Variants in AFF3 observed in about 807,000 individuals in gnomAD.
AFF3 encodes AF4/FMR2 family member 3.
A neutral mutation model predicts 129.7 loss-of-function variants in AFF3; 32 were observed. The ratio of observed to expected loss-of-function variants is 0.25; its 90% confidence interval spans 0.19 to 0.33. The LOEUF (loss-of-function observed/expected upper bound fraction) is 0.33. Among genes scored for constraint, AFF3 ranks in the 10% least tolerant of loss-of-function variants. The pLI is 1.00. For missense variants in AFF3, 1,373 were observed against 1,592.0 expected (o/e 0.86, Z 2.34); for synonymous variants, 644 against 635.4 (o/e 1.01, Z -0.20).
At chr2:99,987,607 C>T (rs1679985129) in intron 7 of AFF3, among the ~76,000 whole-genome samples, 1 of 152,144 alleles carries the variant, frequency 6.6e-6, no homozygotes, top group Non-Finnish European at 1.5e-5. Context: ...TCTGTAGCCA[C>T]AATTTGAAAA....
At chr2:99,802,833 T>C (rs747580803) in intron 8 of AFF3, among the ~76,000 whole-genome samples, 2 of 152,108 alleles carry the variant, frequency 1.3e-5, no homozygotes, top group Non-Finnish European at 2.9e-5. Context: ...ACTGAATTCA[T>C]TTATCAAATC....
intron 12 of AFF3, among the ~76,000 whole-genome samples, chr2:99,661,666 T>G (rs889428779): frequency 6.6e-6 from 1 of 152,240 alleles, no homozygotes; most frequent in Non-Finnish European, 1.5e-5. Flanking sequence ...TCAGTGATAT[T>G]TAAGTTGGCT....
intron 11 of AFF3, among the ~76,000 whole-genome samples, chr2:99,702,341 C>T (rs557652717): frequency 1.3e-5 from 2 of 151,814 alleles, no homozygotes; most frequent in Non-Finnish European, 2.9e-5. Context: ...TTTTAATATG[C>T]ATTTTCTTTT....
At chr2:99,709,503 A>T in intron 11 of AFF3, among the ~76,000 whole-genome samples, 1 of 152,206 alleles carries the variant, frequency 6.6e-6, no homozygotes, top group East Asian at 1.9e-4. Flanking sequence ...GAATGTCTCC[A>T]CTTTGATAAC....
intron 7 of AFF3, among the ~76,000 whole-genome samples, chr2:100,004,207 A>G (rs1681727600): frequency 6.6e-6 from 1 of 152,050 alleles, no homozygotes; most frequent in Non-Finnish European, 1.5e-5. Context: ...CTTGCAGGTT[A>G]TTTTCTTTGG....
intron 2 of AFF3, among the ~76,000 whole-genome samples, chr2:100,112,915 T>C (rs994571559): frequency 1.3e-5 from 2 of 152,224 alleles, no homozygotes; most frequent in Admixed American, 6.5e-5. Context: ...TATAATTCCA[T>C]ATACTTGGCA....
At chr2:99,807,794 A>G (rs1009442242) in intron 8 of AFF3, among the ~76,000 whole-genome samples, 1 of 152,096 alleles carries the variant, frequency 6.6e-6, no homozygotes, top group African/African-American at 2.4e-5. Context: ...AATTAGTCAA[A>G]CAAGCCAATC....
At chr2:99,836,735 T>C (rs188168084) in intron 8 of AFF3, among the ~76,000 whole-genome samples, 1 of 152,146 alleles carries the variant, frequency 6.6e-6, no homozygotes, top group Non-Finnish European at 1.5e-5. Context: ...GTAAAATTCA[T>C]ACCATCTGGC....
intron 11 of AFF3, among the ~76,000 whole-genome samples, chr2:99,693,002 A>G (rs1039770362): frequency 2.0e-5 from 3 of 152,212 alleles, no homozygotes; most frequent in African/African-American, 4.8e-5. Context: ...CGCCCTCTGC[A>G]GGGCAAACTG....
At chr2:99,859,493 C>T (rs955528471) in intron 7 of AFF3, among the ~76,000 whole-genome samples, 1 of 152,114 alleles carries the variant, frequency 6.6e-6, no homozygotes, top group Admixed American at 6.6e-5. Flanking sequence ...ACCAGGTTTG[C>T]GAAACCCTGA....
At position 99,545,647 on chromosome 2, in the gene AFF3, A is replaced by G. The variant is rs1575311056; in HGVS notation, c.*5827T>C. ...ATGCTGACCCTTGTACTGACTGGCAATTAGTGCCCTGAATTCAACCCTCAG... is the reference window on the plus strand; with the variant it reads ...ATGCTGACCCTTGTACTGACTGGCAGTTAGTGCCCTGAATTCAACCCTCAG... On this transcript the variant is annotated 3_prime_UTR_variant, in exon 25 of 25. Coordinates refer to ENST00000672756, the MANE Select transcript of AFF3 (RefSeq NM_001386135.1). 1 of 157,722 alleles carries G rather than the reference A, an allele frequency of 6.3e-6. No individual in the cohort carries two copies. Among genetic ancestry groups the G allele is most frequent in the African/African-American group, 2.4e-5 (1 of 41,598 alleles). The allele number at this position is 157,722 out of a possible 1,614,324, so 9.8% of individuals were successfully genotyped here. A position where few individuals can be genotyped will look rare whatever the true frequency, so the allele number is the denominator to read the frequency against.
chr2:99,625,708 T>A (rs1168236465), intron 13 of AFF3, among the ~76,000 whole-genome samples: 2 of 152,198 alleles, frequency 1.3e-5, no homozygotes, highest in African/African-American at 2.4e-5. Context: ...CCAAAGCTAT[T>A]TAAAAAGCAA....
At chr2:100,057,388 G>A (rs1686891951) in intron 4 of AFF3, among the ~76,000 whole-genome samples, 1 of 148,696 alleles carries the variant, frequency 6.7e-6, no homozygotes, top group Non-Finnish European at 1.5e-5. Context: ...CCACTTACTA[G>A]TTCTATGACC....
At chr2:100,036,594 T>G (rs1422198463) in intron 4 of AFF3, among the ~76,000 whole-genome samples, 1 of 149,416 alleles carries the variant, frequency 6.7e-6, no homozygotes, top group Admixed American at 6.7e-5. Flanking sequence ...GTAAAAAAAA[T>G]GGACATATTT....
chr2:100,088,720 C>A (rs1689639533), intron 4 of AFF3, among the ~76,000 whole-genome samples: 1 of 151,080 alleles, frequency 6.6e-6, no homozygotes. Flanking sequence ...TAATGGGTTT[C>A]CTCAAAGTAC....
chr2:99,801,812 A>G (rs562662722), intron 8 of AFF3, among the ~76,000 whole-genome samples: 17 of 152,292 alleles, frequency 1.1e-4, no homozygotes, highest in African/African-American at 4.1e-4. Flanking sequence ...CTTATATATA[A>G]TTGTTATGTG....
chr2:99,693,224 G>A (rs1365422624), intron 11 of AFF3, among the ~76,000 whole-genome samples: 1 of 152,120 alleles, frequency 6.6e-6, no homozygotes, highest in Admixed American at 6.5e-5. Flanking sequence ...ATTATAAACT[G>A]GAATCAAAGT....
At chr2:99,683,244 C>A (rs543099434) in intron 11 of AFF3, among the ~76,000 whole-genome samples, 32 of 152,280 alleles carry the variant, frequency 2.1e-4, no homozygotes, top group African/African-American at 7.0e-4. Context: ...CTTAAAGTTG[C>A]TCTGCCTTCT....
intron 13 of AFF3, among the ~76,000 whole-genome samples, chr2:99,607,749 C>T (rs1245485174): frequency 6.6e-6 from 1 of 152,206 alleles, no homozygotes; most frequent in Non-Finnish European, 1.5e-5. Flanking sequence ...TGTGGGCACT[C>T]CACTGGGATT....
Sources: gnomAD v4.1 joint callset for allele counts (sites outside exome capture counted in the v4.1 genomes callset) on GRCh38, gnomAD v4.1.1 for gene constraint, MANE v1.5 for transcripts, NCBI Gene and HGNC (gene_info 2026-07-23, HGNC 2026-07-21) for gene names.